Variants in FAM163B observed in about 807,000 individuals in gnomAD.
FAM163B encodes the protein protein FAM163B.
In FAM163B, 4 loss-of-function variants were observed where a neutral mutation model predicts 7.6. The observed-to-expected ratio is 0.52, with a 90% CI of 0.26 to 1.20. FAM163B has a LOEUF of 1.20. Among genes scored for constraint, FAM163B ranks in the 50% most tolerant of loss-of-function variants. The pLI, the probability that FAM163B is intolerant of heterozygous loss-of-function variation, is 0.14. For synonymous variants in FAM163B, 120 were observed against 111.6 expected (o/e 1.07, Z -0.47); for missense variants, 250 against 243.0 (o/e 1.03, Z -0.19).
intron 2 of FAM163B, 114 bp from the exon 3 acceptor site, chr9:133,579,543 G>A: frequency 7.4e-7 from 1 of 1,345,950 alleles, no homozygotes; most frequent in Non-Finnish European, 1.0e-6. Flanking sequence ...GAGTGGGGTG[G>A]CCCAAGCCCA....
rs142517078 is a variant in FAM163B at position 133,594,836 on chromosome 9, C to G, written c.-24+14241G>C. Among the ~76,000 whole-genome samples the G allele has an allele frequency of 2.1e-4, 32 of 152,174 alleles. No individual in the cohort carries two copies. The East Asian group carries it at 5.2e-3, about 25-fold the overall frequency. On this transcript the variant is annotated intron_variant, in intron 1 of 2. Transcript: ENST00000673969. ...AGTAGCGAGAAGATGGGAAAGAGCA[C>G]CCTGGGCAGGAAATGGCACTTGCAA...
chr9:133,591,708 G>T (rs1225364431), intron 1 of FAM163B, among the ~76,000 whole-genome samples: 1 of 152,202 alleles, frequency 6.6e-6, no homozygotes, highest in Non-Finnish European at 1.5e-5. Flanking sequence ...CACACTGGGG[G>T]AGCACACTGG....
intron 1 of FAM163B, among the ~76,000 whole-genome samples, chr9:133,599,263 T>A (rs890840834): frequency 6.6e-6 from 1 of 152,192 alleles, no homozygotes; most frequent in African/African-American, 2.4e-5. Flanking sequence ...GTCAGGCTGC[T>A]GCTCAGCTCT....
chr9:133,601,496 G>A lies in FAM163B; in HGVS notation c.-24+7581C>T, dbSNP rs1564197734. On this transcript the variant is annotated intron_variant, in intron 1 of 2. Coordinates refer to ENST00000673969, the MANE Select transcript of FAM163B (RefSeq NM_001080515.3). This position sits in a 1 kb window ranked among gnomAD's most constrained non-coding sequence, Gnocchi z 4.1. ...GCATTAACCACAGGGGCCTGGCCAG[G>A]CGAGACCCACTCTCTCTGGAGTTCC... is the stretch of plus-strand genomic sequence containing the variant. Among the ~76,000 whole-genome samples, 1 of 152,140 alleles carries A rather than the reference G, an allele frequency of 6.6e-6. No homozygotes were observed. The highest frequency in any genetic ancestry group is 1.5e-5 in the Non-Finnish European group (1 of 68,028).
chr9:133,589,543 T>C lies in FAM163B; in HGVS notation c.-23-9297A>G, dbSNP rs553567930. On this transcript the variant is annotated intron_variant, in intron 1 of 2. Coordinates refer to ENST00000673969, the MANE Select transcript of FAM163B (RefSeq NM_001080515.3). ...GTAGGGACGGGGTAAACTCACCGCC[T>C]TCCCTGCATCAGACCTAAGCCCCAT... 3.9e-5 allele frequency among the ~76,000 whole-genome samples: 6 copies of C among 152,202 alleles called. No individual in the cohort carries two copies. In the South Asian group the frequency reaches 1.2e-3, roughly 32 times the overall value.
intron 2 of FAM163B, 51 bp downstream of exon 2, chr9:133,580,080 G>A: frequency 1.3e-6 from 2 of 1,514,004 alleles, no homozygotes; most frequent in East Asian, 2.3e-5. Context: ...CGAGGTAGGG[G>A]CACCCTCTGG....
chr9:133,581,502 T>C (rs1831355430), intron 1 of FAM163B, among the ~76,000 whole-genome samples: 1 of 152,174 alleles, frequency 6.6e-6, no homozygotes, highest in Non-Finnish European at 1.5e-5. Flanking sequence ...TTTAAAAAAA[T>C]TACCCAGCCT....
chr9:133,587,308 G>C (rs1453183919), intron 1 of FAM163B, among the ~76,000 whole-genome samples: 1 of 152,234 alleles, frequency 6.6e-6, no homozygotes, highest in Non-Finnish European at 1.5e-5. Context: ...TGTGGACCAG[G>C]AGGAGAGGAG....
Position 133,579,361 on chromosome 9 carries a change from G to A in FAM163B, c.162C>T (p.His54=), listed in dbSNP as rs1285814653. The A allele has an allele frequency of 6.2e-7, 1 of 1,612,928 alleles. No homozygotes were observed. Among genetic ancestry groups the A allele is most frequent in the African/African-American group, 1.3e-5 (1 of 75,036 alleles). Reference sequence around the variant, plus strand: ...TGCGGTTGGAGTGCAGCGGGGGCAGGTGCGAGTGAACGGCGAAGTCTGGTT... The same window carrying A: ...TGCGGTTGGAGTGCAGCGGGGGCAGATGCGAGTGAACGGCGAAGTCTGGTT... ...EEEPDFAVHS[H]LPPLHSNRNL... The change falls in exon 3 of 3, where the codon CAC becomes CAT. Residue 54 remains histidine (H), a synonymous_variant. Coordinates refer to ENST00000673969, the MANE Select transcript of FAM163B (RefSeq NM_001080515.3).
chr9:133,592,815 C>T (rs1258029643), intron 1 of FAM163B, among the ~76,000 whole-genome samples: 1 of 152,130 alleles, frequency 6.6e-6, no homozygotes, highest in Non-Finnish European at 1.5e-5. Flanking sequence ...CCAGCAAGCC[C>T]CCGAGAGGAT....
In FAM163B at chr9:133,578,900, A is replaced by G. The variant is rs61747201; in HGVS notation, c.*122T>C. 3.6e-5 allele frequency: 52 copies of G among 1,425,236 alleles called. No homozygotes were observed. The African/African-American group carries it at 7.0e-4, about 19-fold the overall frequency. The allele number at this position is 1,425,236 out of a possible 1,614,324, so 88.3% of individuals were successfully genotyped here. A position where few individuals can be genotyped will look rare whatever the true frequency, so the allele number is the denominator to read the frequency against. ...CCCCAAGCCTGGGCCTCCCCTGAGG[A>G]CAGGGATTCCAGGAGGGCTCAGCCA... On this transcript the variant is annotated 3_prime_UTR_variant, in exon 3 of 3. Coordinates refer to ENST00000673969, the MANE Select transcript of FAM163B (RefSeq NM_001080515.3).
At chr9:133,588,951 C>G (rs1831494415) in intron 1 of FAM163B, among the ~76,000 whole-genome samples, 1 of 152,102 alleles carries the variant, frequency 6.6e-6, no homozygotes, top group Non-Finnish European at 1.5e-5. Flanking sequence ...ACCTCGTGGT[C>G]TGAAATATTT....
intron 1 of FAM163B, among the ~76,000 whole-genome samples, chr9:133,590,581 C>T (rs1425192435): frequency 6.6e-6 from 1 of 152,198 alleles, no homozygotes; most frequent in African/African-American, 2.4e-5. Context: ...GGCCCAGCAC[C>T]TTGAGATAAT....
intron 1 of FAM163B, among the ~76,000 whole-genome samples, chr9:133,603,777 C>CTT (rs1831757942): frequency 6.6e-6 from 1 of 152,210 alleles, no homozygotes; most frequent in Non-Finnish European, 1.5e-5. Flanking sequence ...TCTGGGGCAC[C>CTT]TGCTACCTTG....
chr9:133,594,227 ATC>A (rs1831598309), intron 1 of FAM163B, among the ~76,000 whole-genome samples: 1 of 152,162 alleles, frequency 6.6e-6, no homozygotes, highest in South Asian at 2.1e-4. Flanking sequence ...CATCCAAGGA[ATC>A]TCTCTGGAAC....
chr9:133,586,603 T>C (rs946419519), intron 1 of FAM163B, among the ~76,000 whole-genome samples: 54 of 152,190 alleles, frequency 3.5e-4, no homozygotes, highest in African/African-American at 1.2e-3. Flanking sequence ...GCTCTTAGGG[T>C]CTGTGGTTCA....
In FAM163B at chr9:133,578,979, G is replaced by A; in HGVS notation, c.*43C>T. On this transcript the variant is annotated 3_prime_UTR_variant, in exon 3 of 3. Transcript: ENST00000673969. ...GGTGTGCCAAAGGAATCCCCCCATT[G>A]TCTCAGGACCTTCAAGGCCAGGATC... 6.9e-7 allele frequency: 1 copy of A among 1,457,308 alleles called. No individual in the cohort carries two copies. The highest frequency in any genetic ancestry group is 1.4e-5 in the African/African-American group (1 of 70,196). The allele number at this position is 1,457,308 out of a possible 1,614,324, so 90.3% of individuals were successfully genotyped here. A position where few individuals can be genotyped will look rare whatever the true frequency, so the allele number is the denominator to read the frequency against.
intron 1 of FAM163B, among the ~76,000 whole-genome samples, chr9:133,582,061 C>A (rs1444418712): frequency 6.6e-6 from 1 of 152,196 alleles, no homozygotes; most frequent in African/African-American, 2.4e-5. Flanking sequence ...TAGCATGCGG[C>A]CTGCAGAGGG....
rs1205801014 is a variant in FAM163B, at chr9:133,601,953, G to A, written c.-24+7124C>T. ...TAGCCAGCACACAGGAGTGCTGCAGGGAGGACCAGCAGGGAAGCTGGGGGC... is the reference window on the plus strand; with the variant it reads ...TAGCCAGCACACAGGAGTGCTGCAGAGAGGACCAGCAGGGAAGCTGGGGGC... On this transcript the variant is annotated intron_variant, in intron 1 of 2. Transcript: ENST00000673969. This position sits in a 1 kb window ranked among gnomAD's most constrained non-coding sequence, Gnocchi z 4.1. Among the ~76,000 whole-genome samples, 2 of 152,222 alleles carry A rather than the reference G, an allele frequency of 1.3e-5. No homozygotes were observed. Among genetic ancestry groups the A allele is most frequent in the African/African-American group, 4.8e-5 (2 of 41,460 alleles).
Sources: allele counts gnomAD v4.1 joint callset (sites outside exome capture counted in the v4.1 genomes callset), GRCh38; gene constraint gnomAD v4.1.1; non-coding constraint Gnocchi (gnomAD v3.1); transcripts MANE v1.5; gene names NCBI Gene and HGNC (gene_info 2026-07-23, HGNC 2026-07-21).